The following TTC6 variants were observed in gnomAD, a reference collection of about 807,000 sequenced individuals.
TTC6 encodes the protein tetratricopeptide repeat domain 6, also known as tetratricopeptide repeat protein 6.
TTC6 carries 172 observed loss-of-function variants against 210.4 expected under a neutral mutation model. The observed-to-expected ratio is 0.82, with a 90% CI of 0.72 to 0.93. The LOEUF (loss-of-function observed/expected upper bound fraction) is 0.93. TTC6 is among the 40% of genes least tolerant of loss of function. The pLI is 0.00. For missense variants in TTC6, 2,414 were observed against 2,318.1 expected (o/e 1.04, Z -0.85); for synonymous variants, 804 against 819.6 (o/e 0.98, Z 0.32).
chr14:37,794,733 T>C (rs1284280198), intron 17 of TTC6, among the ~76,000 whole-genome samples: 1 of 152,138 alleles, frequency 6.6e-6, no homozygotes, highest in Non-Finnish European at 1.5e-5. Context: ...GCATGCTACT[T>C]TATTTCTTAG....
intron 1 of TTC6, among the ~76,000 whole-genome samples, chr14:37,658,808 C>A (rs1168753844): frequency 6.6e-6 from 1 of 152,132 alleles, no homozygotes; most frequent in African/African-American, 2.4e-5. Context: ...GGTGCGTATG[C>A]AGGTTCATTA....
intron 14 of TTC6, among the ~76,000 whole-genome samples, chr14:37,773,498 A>G (rs1274420328): frequency 2.0e-5 from 3 of 152,158 alleles, no homozygotes; most frequent in Non-Finnish European, 4.4e-5. Flanking sequence ...TCCCAGCACC[A>G]TTTATTAAAC....
chr14:37,675,128 C>G (rs1232374874), intron 1 of TTC6, among the ~76,000 whole-genome samples: 1 of 152,004 alleles, frequency 6.6e-6, no homozygotes, highest in Admixed American at 6.6e-5. Flanking sequence ...TCAGTGGCAT[C>G]AACATTTGCA....
intron 14 of TTC6, among the ~76,000 whole-genome samples, chr14:37,771,706 C>T (rs1189902676): frequency 2.6e-5 from 4 of 152,070 alleles, no homozygotes; most frequent in Non-Finnish European, 4.4e-5. Context: ...TACATTCTTC[C>T]AAATTTTTTT....
In TTC6 at chr14:37,622,589, C is replaced by T. The variant is rs1033361358; in HGVS notation, c.525C>T (p.Pro175=). 1.1e-5 allele frequency: 17 copies of T among 1,534,224 alleles called. No individual in the cohort carries two copies. The African/African-American group carries it at 2.1e-4, about 19-fold the overall frequency. Residue 175 remains proline (P), a synonymous_variant, in exon 1 of 31, where the codon CCC becomes CCT. Coordinates refer to ENST00000553443, the Ensembl canonical transcript of TTC6. ...TGGAGAGCTCGCGGCACGCGGCTCC[C>T]AGGCGGGTCTTCCACTTGGGAAGGG...
intron 4 of TTC6, among the ~76,000 whole-genome samples, 175 bp downstream of exon 6, chr14:37,697,010 A>G (rs954389790): frequency 6.6e-6 from 1 of 152,098 alleles, no homozygotes; most frequent in East Asian, 1.9e-4. Flanking sequence ...TTAGTGCTAT[A>G]CTTTATGCTT....
At chr14:37,769,761 A>G (rs2096011921) in intron 14 of TTC6, among the ~76,000 whole-genome samples, 1 of 151,612 alleles carries the variant, frequency 6.6e-6, no homozygotes, top group Non-Finnish European at 1.5e-5. Context: ...CAGCTCCTGG[A>G]TTCATTAATT....
intron 5 of TTC6, among the ~76,000 whole-genome samples, chr14:37,711,685 T>G (rs1177876242): frequency 6.6e-6 from 1 of 152,028 alleles, no homozygotes; most frequent in Non-Finnish European, 1.5e-5. Context: ...GAGCTTGGGT[T>G]GTATATACTG....
At chr14:37,789,625 A>G (rs565706364) in intron 15 of TTC6, among the ~76,000 whole-genome samples, 33 of 135,568 alleles carry the variant, frequency 2.4e-4, no homozygotes, top group African/African-American at 9.2e-4. Context: ...TATTGTATAT[A>G]CTCTATGTAT....
chr14:37,731,464 T>C (rs191146044), intron 7 of TTC6, among the ~76,000 whole-genome samples: 307 of 152,334 alleles, frequency 2.0e-3, no homozygotes, highest in Non-Finnish European at 3.2e-3. Context: ...TTCTTTACAG[T>C]ACGACAGTTG....
intron 1 of TTC6, among the ~76,000 whole-genome samples, chr14:37,628,441 C>CT (rs2095664093): frequency 6.6e-6 from 1 of 152,248 alleles, no homozygotes; most frequent in Middle Eastern, 3.4e-3. Context: ...CCTTCACCCC[C>CT]TTTTTGATGG....
At chr14:37,749,386 G>A (rs944697106) in exon 11 of TTC6, 1 of 1,446,664 alleles carries the variant, frequency 6.9e-7, no homozygotes. Context: ...AGAGTGCCAT[G>A]AATGATCTGC....
intron 1 of TTC6, among the ~76,000 whole-genome samples, chr14:37,639,783 G>A (rs1325898356): frequency 6.7e-6 from 1 of 150,242 alleles, no homozygotes; most frequent in Non-Finnish European, 1.5e-5. Context: ...CTACTCGGGA[G>A]GTTGAGGCAG....
intron 23 of TTC6, 54 bp downstream of exon 25, chr14:37,807,514 T>C (rs2096121238): frequency 7.1e-7 from 1 of 1,403,994 alleles, no homozygotes; most frequent in Non-Finnish European, 9.4e-7. Flanking sequence ...CAGATTCTCT[T>C]ATGCTAGGCA....
intron 1 of TTC6, among the ~76,000 whole-genome samples, chr14:37,636,473 G>C (rs1406982918): frequency 6.6e-6 from 1 of 152,034 alleles, no homozygotes; most frequent in Non-Finnish European, 1.5e-5. Context: ...AATGATGATA[G>C]GAAAATCCTC....
At position 37,776,241 on chromosome 14, in the gene TTC6, G is replaced by C. The variant is rs1299943413; in HGVS notation, c.3267-11227G>C. ...AATTTTTTGTCTTTTTAGTAGAGAC[G>C]GGGTTTGGGTCTTGATTCTTTATTC... On this transcript the variant is annotated intron_variant, in intron 14 of 30. Coordinates refer to ENST00000553443, the Ensembl canonical transcript of TTC6. Among the ~76,000 whole-genome samples, 157 of 20,902 alleles carry C rather than the reference G, an allele frequency of 7.5e-3. 63 individuals are homozygous for C. The highest frequency in any genetic ancestry group is 1.4e-3 in the Non-Finnish European group (11 of 7,628). The allele number at this position is 20,902 out of a possible 152,430, so 13.7% of individuals were successfully genotyped here.
exon 4 of TTC6, chr14:37,696,740 A>T: frequency 1.4e-6 from 2 of 1,466,586 alleles, no homozygotes. Context: ...AATTCTTGCA[A>T]ATCGAAGGAA....
At chr14:37,801,623 T>C (rs2096106787) in intron 20 of TTC6, among the ~76,000 whole-genome samples, 1 of 152,118 alleles carries the variant, frequency 6.6e-6, no homozygotes, top group South Asian at 2.1e-4. Context: ...TTGTGACTTC[T>C]TATGGAGAGA....
chr14:37,617,575 T>G (rs1250956905), upstream of TTC6, among the ~76,000 whole-genome samples: 1 of 152,136 alleles, frequency 6.6e-6, no homozygotes, highest in African/African-American at 2.4e-5. Context: ...AGAAAAAAAA[T>G]CACTGTTTTC....
Sources: gnomAD v4.1 joint callset for allele counts (sites outside exome capture counted in the v4.1 genomes callset) on GRCh38, gnomAD v4.1.1 for gene constraint, MANE v1.5 for transcripts, NCBI Gene and HGNC (gene_info 2026-07-23, HGNC 2026-07-21) for gene names.